The following LRCH1 variants were observed in gnomAD, a reference collection of about 807,000 sequenced individuals.
LRCH1 encodes leucine rich repeats and calponin homology domain containing 1.
LRCH1 carries 23 observed loss-of-function variants against 94.9 expected under a neutral mutation model. The observed-to-expected ratio is 0.24, with a 90% CI of 0.17 to 0.34. The LOEUF is 0.34. Among genes scored for constraint, LRCH1 ranks in the 10% least tolerant of loss-of-function variants. LRCH1 has a pLI of 1.00. For missense variants in LRCH1, 790 were observed against 945.9 expected, an observed-to-expected ratio of 0.84 and a Z score of 2.16; for synonymous variants, 364 against 354.9, an observed-to-expected ratio of 1.03 and a Z score of -0.29.
chr13:46,668,629 G>C (rs1690703451), intron 2 of LRCH1, among the ~76,000 whole-genome samples: 1 of 151,412 alleles, frequency 6.6e-6, no homozygotes, highest in Admixed American at 6.6e-5. Context: ...TGTCAGGAGA[G>C]GGCAGTTGGC....
chr13:46,678,921 A>G (rs2051713277), intron 3 of LRCH1, among the ~76,000 whole-genome samples: 1 of 152,186 alleles, frequency 6.6e-6, no homozygotes, highest in Non-Finnish European at 1.5e-5. Flanking sequence ...ACCTAAATGT[A>G]TCTGTTATCT....
At chr13:46,720,146 G>A (rs1294851449) in intron 16 of LRCH1, among the ~76,000 whole-genome samples, 7 of 152,022 alleles carry the variant, frequency 4.6e-5, no homozygotes, top group Admixed American at 3.9e-4. Flanking sequence ...CAGCACTTTG[G>A]GAGTCTGAGG....
Position 46,573,866 on chromosome 13 carries a change from A to ATATATATATATATATATTTTTT in LRCH1, c.307+20164_307+20165insATATATATATATATATTTTTTT. 4.0e-3 allele frequency among the ~76,000 whole-genome samples: 255 copies of ATATATATATATATATATTTTTT among 63,174 alleles called. 1 individual carries two copies. The highest frequency in any genetic ancestry group is 9.4e-3 in the Middle Eastern group (1 of 106). The allele number at this position is 63,174 out of a possible 152,430, so 41.4% of individuals were successfully genotyped here. On this transcript the variant is annotated intron_variant, in intron 1 of 19. Transcript: ENST00000389797. ...GTCAAATATATATATATATATATAT[A>ATATATATATATATATATTTTTT]TTTTTTTTTTTTTTGAGATGGAGTC...
intron 1 of LRCH1, among the ~76,000 whole-genome samples, chr13:46,599,513 T>G (rs1181342808): frequency 6.6e-6 from 1 of 152,228 alleles, no homozygotes; most frequent in Non-Finnish European, 1.5e-5. Flanking sequence ...CAACATTTGT[T>G]ACTTTCATTT....
chr13:46,708,023 A>C (rs77976215), intron 13 of LRCH1, among the ~76,000 whole-genome samples: 1,597 of 152,276 alleles, frequency 0.01, 13 homozygotes, highest in African/African-American at 0.036. Flanking sequence ...ACTGTGGTAT[A>C]TTGCCTCTTC....
At chr13:46,659,999 A>C (rs79497020) in intron 2 of LRCH1, among the ~76,000 whole-genome samples, 3,399 of 150,408 alleles carry the variant, frequency 0.023, 145 homozygotes, top group African/African-American at 0.079. Context: ...AAGATCGGTA[A>C]AGGAAGTCTC....
In LRCH1 at chr13:46,699,334, A is replaced by G. The variant is rs749159377; in HGVS notation, c.1246-2A>G. 6.2e-7 allele frequency: 1 copy of G among 1,613,712 alleles called. No homozygotes were observed. The highest frequency in any genetic ancestry group is 8.5e-7 in the Non-Finnish European group (1 of 1,179,634). ...CAGGAACCCTGTGTGTTTTGTCCACAGGCAAGGGCAGAAGACTGTGAAGAG... is the reference window on the plus strand; with the variant it reads ...CAGGAACCCTGTGTGTTTTGTCCACGGGCAAGGGCAGAAGACTGTGAAGAG... On this transcript the variant is annotated splice_acceptor_variant, in intron 9 of 19. Transcript: ENST00000389797. LOFTEE classifies it high-confidence loss of function.
intron 3 of LRCH1, among the ~76,000 whole-genome samples, chr13:46,676,313 T>C (rs1593344698): frequency 6.6e-6 from 1 of 152,176 alleles, no homozygotes; most frequent in East Asian, 1.9e-4. Flanking sequence ...GGTTTTTGAC[T>C]GTTAAGAAAT....
intron 3 of LRCH1, among the ~76,000 whole-genome samples, chr13:46,676,310 G>C (rs2051672925): frequency 6.6e-6 from 1 of 152,130 alleles, no homozygotes; most frequent in African/African-American, 2.4e-5. Flanking sequence ...GAGGGTTTTT[G>C]ACTGTTAAGA....
At chr13:46,657,407 A>G (rs1364372800) in intron 2 of LRCH1, among the ~76,000 whole-genome samples, 3 of 149,174 alleles carry the variant, frequency 2.0e-5, no homozygotes, top group Non-Finnish European at 3.0e-5. Flanking sequence ...TTTTTAAAAC[A>G]TACATATATG....
chr13:46,680,249 AC>A (rs1174540798), intron 3 of LRCH1: 2 of 152,146 alleles, frequency 1.3e-5, no homozygotes, highest in African/African-American at 4.8e-5. Context: ...ATGGAGTGTC[AC>A]TGTAAGTGGA....
Position 46,628,657 on chromosome 13 carries a change from A to AG in LRCH1, c.308-21541dup, listed in dbSNP as rs1398616893. Among the ~76,000 whole-genome samples the AG allele has an allele frequency of 1.4e-4, 18 of 124,758 alleles. 1 individual carries two copies. The highest frequency in any genetic ancestry group is 4.2e-4 in the African/African-American group (13 of 31,182). The allele number at this position is 124,758 out of a possible 152,430, so 81.8% of individuals were successfully genotyped here. ...GGGCGACAGAGCGATTCTCTGTCTC[A>AG]GGGAAGAAAAAAAAAAAAAAAACAC... On this transcript the variant is annotated intron_variant, in intron 1 of 19. Coordinates refer to ENST00000389797, the MANE Select transcript of LRCH1 (RefSeq NM_001164211.2).
intron 1 of LRCH1, among the ~76,000 whole-genome samples, chr13:46,608,642 T>C (rs550606988): frequency 1.3e-5 from 2 of 152,350 alleles, no homozygotes; most frequent in Admixed American, 6.5e-5. Flanking sequence ...TTTCCTCTTT[T>C]ACTACTACAG....
chr13:46,641,474 G>A (rs2138063851), intron 1 of LRCH1, among the ~76,000 whole-genome samples: 1 of 152,308 alleles, frequency 6.6e-6, no homozygotes, highest in South Asian at 2.1e-4. Context: ...CTTTTACCCA[G>A]TTATTGAGAC....
intron 11 of LRCH1, among the ~76,000 whole-genome samples, chr13:46,702,911 T>C (rs1395189024): frequency 1.3e-5 from 2 of 152,178 alleles, no homozygotes; most frequent in African/African-American, 2.4e-5. Flanking sequence ...CCAGAGACAG[T>C]GTAGAATGAT....
intron 1 of LRCH1, among the ~76,000 whole-genome samples, chr13:46,564,065 G>A (rs568883884): frequency 1.3e-5 from 2 of 152,174 alleles, no homozygotes; most frequent in African/African-American, 4.8e-5. Context: ...AACCTGGGGA[G>A]AATAAGATAA....
In LRCH1 at chr13:46,625,230, C is replaced by T. The variant is rs945000126; in HGVS notation, c.308-24971C>T. Among the ~76,000 whole-genome samples, 4 of 152,244 alleles carry T rather than the reference C, an allele frequency of 2.6e-5. No individual in the cohort carries two copies. In the East Asian group the frequency reaches 5.8e-4, roughly 22 times the overall value. ...CGTGTTAGCAGTACCCTCTTCCATA[C>T]TCTTCTATTATCTTCTGCATACTTC... is the stretch of plus-strand genomic sequence containing the variant. On this transcript the variant is annotated intron_variant, in intron 1 of 19. Transcript: ENST00000389797.
At chr13:46,636,059 CTTTTTTTTTT>C (rs34118906) in intron 1 of LRCH1, among the ~76,000 whole-genome samples, 1 of 73,534 alleles carries the variant, frequency 1.4e-5, no homozygotes, top group Non-Finnish European at 2.4e-5. Flanking sequence ...CCATGTCAAC[CTTTTTTTTTT>C]TTTTTTTTTT....
At chr13:46,605,493 C>T (rs2137991168) in intron 1 of LRCH1, among the ~76,000 whole-genome samples, 1 of 152,218 alleles carries the variant, frequency 6.6e-6, no homozygotes, top group South Asian at 2.1e-4. Context: ...AGTATATGTG[C>T]TGAAGATGAG....
Sources: allele counts gnomAD v4.1 joint callset (sites outside exome capture counted in the v4.1 genomes callset), GRCh38; gene constraint gnomAD v4.1.1; transcripts MANE v1.5; gene names NCBI Gene and HGNC (gene_info 2026-07-23, HGNC 2026-07-21).